The following FAM118A variants were observed in gnomAD, a reference collection of about 807,000 sequenced individuals.
The protein encoded by FAM118A is protein FAM118A.
FAM118A carries 25 observed loss-of-function variants against 38.2 expected under a neutral mutation model. The ratio of observed to expected loss-of-function variants is 0.65; its 90% CI spans 0.48 to 0.91. The LOEUF is 0.91. Ranked by LOEUF, FAM118A falls within the 40% of genes least tolerant of loss-of-function variation. The probability of loss-of-function intolerance (pLI) is 0.00; values close to 1 mark genes in which losing one functional copy is unlikely to be tolerated. For missense variants in FAM118A, 425 were observed against 463.3 expected (o/e 0.92, Z 0.76); for synonymous variants, 178 against 184.1 (o/e 0.97, Z 0.27).
At chr22:45,313,520 A>C (rs1020337785) in intron 1 of FAM118A, among the ~76,000 whole-genome samples, 1 of 151,904 alleles carries the variant, frequency 6.6e-6, no homozygotes, top group African/African-American at 2.4e-5. Context: ...ACGGGGTTTC[A>C]CTATGTTGGC....
intron 4 of FAM118A, chr22:45,328,493 ATGGT>A: frequency 1.2e-6 from 1 of 818,590 alleles, no homozygotes; most frequent in Non-Finnish European, 2.2e-6. Context: ...GTAGCCAGGC[ATGGT>A]GGCGCCTGCC....
chr22:45,323,074 T>TAC, intron 2 of FAM118A, 101 bp from the exon 3 acceptor site: 2 of 1,256,010 alleles, frequency 1.6e-6, no homozygotes, highest in Non-Finnish European at 2.3e-6. Flanking sequence ...TGTGTGTGTG[T>TAC]GTACACAGCA....
chr22:45,310,925 T>G (rs1320217938), intron 1 of FAM118A, among the ~76,000 whole-genome samples: 2 of 152,144 alleles, frequency 1.3e-5, no homozygotes, highest in Non-Finnish European at 2.9e-5. Context: ...GAACTAACAT[T>G]TTGTTTTTGA....
chr22:45,320,841 A>G (rs1426307123), intron 1 of FAM118A, among the ~76,000 whole-genome samples: 4 of 152,152 alleles, frequency 2.6e-5, no homozygotes, highest in African/African-American at 9.7e-5. Flanking sequence ...GTGCTAAGAT[A>G]TTTTACAGTG....
intron 1 of FAM118A, among the ~76,000 whole-genome samples, chr22:45,312,983 C>A (rs2084439293): frequency 6.6e-6 from 1 of 152,114 alleles, no homozygotes; most frequent in Admixed American, 6.6e-5. Context: ...CTCTCTTCCC[C>A]AGGTTAGTGG....
intron 4 of FAM118A, among the ~76,000 whole-genome samples, chr22:45,330,192 C>G (rs538683332): frequency 1.3e-5 from 2 of 152,336 alleles, no homozygotes; most frequent in South Asian, 4.1e-4. Flanking sequence ...ATGTAACTGT[C>G]TGTCTTTAAA....
At chr22:45,310,541 C>A (rs1393023364) in intron 1 of FAM118A, among the ~76,000 whole-genome samples, 1 of 152,120 alleles carries the variant, frequency 6.6e-6, no homozygotes, top group East Asian at 1.9e-4. Flanking sequence ...TCCCAGTGTC[C>A]TTAGCCCCGC....
chr22:45,338,252 C>T (rs1470026953), intron 8 of FAM118A, among the ~76,000 whole-genome samples: 1 of 151,584 alleles, frequency 6.6e-6, no homozygotes, highest in Non-Finnish European at 1.5e-5. Context: ...TTTTTTGAGA[C>T]AGAGTCTTGC....
At chr22:45,332,035 G>T (rs1446435979) in intron 5 of FAM118A, among the ~76,000 whole-genome samples, 1 of 152,172 alleles carries the variant, frequency 6.6e-6, no homozygotes, top group African/African-American at 2.4e-5. Context: ...TCCTCATTTT[G>T]TGTTTTAATA....
Position 45,330,675 on chromosome 22 carries a change from G to C in FAM118A, c.595G>C (p.Gly199Arg). The change falls in exon 5 of 9, where the codon GGG (glycine) becomes CGG (arginine). Residue 199 changes from glycine (G) to arginine (R), a missense_variant. Coordinates refer to ENST00000441876, the MANE Select transcript of FAM118A (RefSeq NM_017911.4). ...HIHGLYTDPC[G>R]VVLDPSGYKD... The stretch of plus-strand genomic sequence containing the variant: ...TCACGGCCTCTACACGGACCCCTGC[G>C]GGGTGGTGCTGGACCCATCGGGGTA... The C allele has an allele frequency of 6.2e-7, 1 of 1,605,006 alleles. No individual in the cohort carries two copies. The highest frequency in any genetic ancestry group is 8.5e-7 in the Non-Finnish European group (1 of 1,176,762).
intron 8 of FAM118A, among the ~76,000 whole-genome samples, chr22:45,337,588 T>C (rs2086196227): frequency 6.6e-6 from 1 of 151,932 alleles, no homozygotes; most frequent in African/African-American, 2.4e-5. Context: ...CTTTCAGAAC[T>C]GAATAAGAAA....
intron 3 of FAM118A, among the ~76,000 whole-genome samples, chr22:45,327,462 C>T (rs953954701): frequency 6.6e-6 from 1 of 152,152 alleles, no homozygotes; most frequent in Admixed American, 6.5e-5. Flanking sequence ...TGACCTGGGA[C>T]GTACCTGAGC....
chr22:45,310,812 CAGGAGACCTG>C (rs2084331521), intron 1 of FAM118A, among the ~76,000 whole-genome samples: 1 of 152,328 alleles, frequency 6.6e-6, no homozygotes, highest in African/African-American at 2.4e-5. Flanking sequence ...GTCTATAGAG[CAGGAGACCTG>C]AGGTGGCCGA....
rs1326055461 is a variant in FAM118A at position 45,335,357 on chromosome 22, T to G, written c.945T>G (p.Asp315Glu). ...QICKQQSPDA[D>E]RVDSTTLLGN... ...CTTTTCTTTCTCCTTCAGATGCTGA[T>G]CGCGTGGACAGCACCACATTATTGG... Residue 315 changes from aspartate (D) to glutamate (E), a missense_variant, in exon 7 of 9, where the codon GAT becomes GAG. Transcript: ENST00000441876. 6.2e-7 allele frequency: 1 copy of G among 1,614,246 alleles called. No individual in the cohort carries two copies.
chr22:45,333,352 C>T (rs1018051805), intron 6 of FAM118A, among the ~76,000 whole-genome samples: 1 of 151,876 alleles, frequency 6.6e-6, no homozygotes, highest in African/African-American at 2.4e-5. Context: ...ATAGGGAGAC[C>T]TGGTCTCTAC....
At chr22:45,338,124 T>C (rs937613478) in intron 8 of FAM118A, among the ~76,000 whole-genome samples, 2 of 152,188 alleles carry the variant, frequency 1.3e-5, no homozygotes, top group African/African-American at 4.8e-5. Context: ...TGGTCTGTGA[T>C]TCTCTTTATT....
At chr22:45,335,246 G>T in intron 6 of FAM118A, 104 bp from the exon 7 acceptor site, 1 of 1,349,064 alleles carries the variant, frequency 7.4e-7, no homozygotes, top group Non-Finnish European at 1.1e-6. Flanking sequence ...CTGCCCAGAA[G>T]CCTGTTCCCA....
Position 45,323,259 on chromosome 22 carries a change from C to G in FAM118A, c.132C>G (p.Pro44=), listed in dbSNP as rs139513744. Residue 44 remains proline, a synonymous_variant, in exon 3 of 9, where the codon CCC becomes CCG. Coordinates refer to ENST00000441876, the MANE Select transcript of FAM118A (RefSeq NM_017911.4). ...IGTGVSAAVA[P]GIPALCSWRS... is the part of the protein sequence containing the mutation. ...CTGGCGTCAGCGCAGCAGTGGCCCCCGGAATCCCTGCCCTTTGCTCGTGGA... is the reference window on the plus strand; with the variant it reads ...CTGGCGTCAGCGCAGCAGTGGCCCCGGGAATCCCTGCCCTTTGCTCGTGGA... 3.7e-6 allele frequency: 6 copies of G among 1,614,088 alleles called. No homozygotes were observed. The African/African-American group carries it at 6.7e-5, about 18-fold the overall frequency.
chr22:45,318,067 G>A (rs1297496260), intron 1 of FAM118A, among the ~76,000 whole-genome samples: 1 of 152,194 alleles, frequency 6.6e-6, no homozygotes, highest in African/African-American at 2.4e-5. Flanking sequence ...GATTTTGGTA[G>A]CTTGTATTTT....
Sources: allele counts gnomAD v4.1 joint callset (sites outside exome capture counted in the v4.1 genomes callset), GRCh38; gene constraint gnomAD v4.1.1; transcripts MANE v1.5; gene names NCBI Gene and HGNC (gene_info 2026-07-23, HGNC 2026-07-21).